The following GRM7 variants were observed in gnomAD, a reference collection of about 807,000 sequenced individuals.
The protein encoded by GRM7 is metabotropic glutamate receptor 7.
In GRM7, 35 loss-of-function variants were observed where a neutral mutation model predicts 84.5. That is an observed-to-expected ratio of 0.41 (90% CI 0.32 to 0.55). GRM7 has a LOEUF of 0.55. GRM7 is among the 20% of genes least tolerant of loss of function. The pLI, the probability that GRM7 is intolerant of heterozygous loss-of-function variation, is 0.19. For synonymous variants in GRM7, 487 were observed against 455.1 expected (o/e 1.07, Z -0.89); for missense variants, 1,003 against 1,194.6 (o/e 0.84, Z 2.36).
At chr3:7,688,145 T>C (rs1026054147) in intron 9 of GRM7, among the ~76,000 whole-genome samples, 3 of 152,178 alleles carry the variant, frequency 2.0e-5, no homozygotes, top group Non-Finnish European at 4.4e-5. Context: ...TAAAAATCCT[T>C]TTGCTCCTGT....
intron 1 of GRM7, among the ~76,000 whole-genome samples, chr3:7,109,191 T>A (rs2125031505): frequency 6.6e-6 from 1 of 152,154 alleles, no homozygotes; most frequent in South Asian, 2.1e-4. Flanking sequence ...TTTTGGTTGA[T>A]CATTATGTCT....
At chr3:6,932,635 T>C (rs1486508834) in intron 1 of GRM7, among the ~76,000 whole-genome samples, 1 of 152,156 alleles carries the variant, frequency 6.6e-6, no homozygotes, top group Non-Finnish European at 1.5e-5. Context: ...TGATAAATTA[T>C]TAGATATTAT....
At chr3:6,989,915 T>G (rs985752599) in intron 1 of GRM7, among the ~76,000 whole-genome samples, 6 of 152,222 alleles carry the variant, frequency 3.9e-5, no homozygotes, top group Admixed American at 3.9e-4. Context: ...TCCTGGATGT[T>G]GACAAAACAT....
intron 1 of GRM7, among the ~76,000 whole-genome samples, chr3:6,878,378 C>CGTGT (rs34132725): frequency 0.28 from 39,622 of 141,684 alleles, 5,691 homozygotes; most frequent in South Asian, 0.35. Context: ...TATGTGTTTG[C>CGTGT]GTGTGTGTGT....
At chr3:7,321,022 T>C (rs1156978299) in intron 4 of GRM7, among the ~76,000 whole-genome samples, 5 of 151,990 alleles carry the variant, frequency 3.3e-5, no homozygotes, top group East Asian at 1.9e-4. Context: ...TTTGACAAAG[T>C]ATCCTAGTGC....
intron 8 of GRM7, among the ~76,000 whole-genome samples, chr3:7,602,113 T>C (rs527950493): frequency 6.4e-4 from 96 of 149,394 alleles, no homozygotes; most frequent in African/African-American, 2.3e-3. Context: ...GCATTCTGTT[T>C]GTTAAACAAA....
At chr3:6,938,230 T>G (rs1697758139) in intron 1 of GRM7, among the ~76,000 whole-genome samples, 1 of 152,242 alleles carries the variant, frequency 6.6e-6, no homozygotes, top group Non-Finnish European at 1.5e-5. Flanking sequence ...ATTTCTCAAA[T>G]GTATTATAGT....
At chr3:6,897,417 C>G (rs1253987603) in intron 1 of GRM7, among the ~76,000 whole-genome samples, 1 of 152,156 alleles carries the variant, frequency 6.6e-6, no homozygotes, top group Non-Finnish European at 1.5e-5. Flanking sequence ...GTTTAAGAAC[C>G]ACCAGTTTAG....
chr3:7,581,049 C>A (rs997127840), intron 8 of GRM7, among the ~76,000 whole-genome samples: 1 of 152,014 alleles, frequency 6.6e-6, no homozygotes, highest in African/African-American at 2.4e-5. Flanking sequence ...AAACCTTTCC[C>A]GTAAGTTTAT....
At chr3:7,499,381 C>CT (rs1451600354) in intron 7 of GRM7, among the ~76,000 whole-genome samples, 1 of 152,142 alleles carries the variant, frequency 6.6e-6, no homozygotes, top group Non-Finnish European at 1.5e-5. Context: ...ATACTGCCTC[C>CT]TGATAGTCAA....
At chr3:7,139,525 A>G (rs1354581394) in intron 1 of GRM7, among the ~76,000 whole-genome samples, 1 of 151,988 alleles carries the variant, frequency 6.6e-6, no homozygotes, top group Non-Finnish European at 1.5e-5. Flanking sequence ...ATGTTTGGAA[A>G]TGTATTGCAC....
Position 7,663,481 on chromosome 3 carries a change from T to C in GRM7, c.2452-16568T>C, listed in dbSNP as rs1489834377. 2.6e-5 allele frequency among the ~76,000 whole-genome samples: 4 copies of C among 152,198 alleles called. No individual in the cohort carries two copies. In the East Asian group the frequency reaches 7.7e-4, roughly 29 times the overall value. On this transcript the variant is annotated intron_variant, in intron 8 of 9. Coordinates refer to ENST00000357716, the MANE Select transcript of GRM7 (RefSeq NM_000844.4). ...TCTGCACCAATAGATCCCTCGGTCC[T>C]CAAGGTGGAATGCCTCTGGAGGGTG...
rs1330994191 is a variant in GRM7, at chr3:7,121,595, C to G, written c.520-24857C>G. Among the ~76,000 whole-genome samples the G allele has an allele frequency of 1.3e-5, 2 of 152,236 alleles. 1 individual carries two copies. The highest frequency in any genetic ancestry group is 4.8e-5 in the African/African-American group (2 of 41,558). On this transcript the variant is annotated intron_variant, in intron 1 of 9. Coordinates refer to ENST00000357716, the MANE Select transcript of GRM7 (RefSeq NM_000844.4). The stretch of plus-strand genomic sequence containing the variant: ...TCCCCCTTTCCTCCTAATTTAGATT[C>G]TTTTCTATCTCCCTCTTGGTCTAAT...
intron 7 of GRM7, among the ~76,000 whole-genome samples, chr3:7,554,642 C>G (rs1411319707): frequency 6.6e-6 from 1 of 152,148 alleles, no homozygotes; most frequent in Non-Finnish European, 1.5e-5. Context: ...TGTGGGCAGA[C>G]AGTAGGGATT....
At chr3:6,939,089 C>T (rs997132048) in intron 1 of GRM7, among the ~76,000 whole-genome samples, 2 of 152,102 alleles carry the variant, frequency 1.3e-5, no homozygotes, top group African/African-American at 4.8e-5. Context: ...TACAGGATAG[C>T]AAAATCACAA....
chr3:7,385,289 A>ATT (rs574917994), intron 4 of GRM7, among the ~76,000 whole-genome samples: 4,781 of 67,182 alleles, frequency 0.071, 507 homozygotes, highest in East Asian at 0.13. Context: ...TTCTATATGG[A>ATT]TTTTTTTTTT....
intron 4 of GRM7, among the ~76,000 whole-genome samples, chr3:7,404,631 C>T (rs144075518): frequency 6.6e-6 from 1 of 152,122 alleles, no homozygotes; most frequent in East Asian, 1.9e-4. Flanking sequence ...AGCAGGAGCA[C>T]AATACCAAGA....
intron 1 of GRM7, among the ~76,000 whole-genome samples, chr3:7,020,196 G>C (rs527999868): frequency 6.6e-6 from 1 of 152,168 alleles, no homozygotes; most frequent in Non-Finnish European, 1.5e-5. Context: ...TACCCTATAG[G>C]ATAATATGTT....
At chr3:7,415,598 G>A (rs181236587) in intron 5 of GRM7, among the ~76,000 whole-genome samples, 207 of 152,248 alleles carry the variant, frequency 1.4e-3, no homozygotes, top group African/African-American at 4.5e-3. Context: ...TTTCATTAAT[G>A]TCTAAGTTAA....
Sources: allele counts gnomAD v4.1 joint callset (sites outside exome capture counted in the v4.1 genomes callset), GRCh38; gene constraint gnomAD v4.1.1; transcripts MANE v1.5; gene names NCBI Gene and HGNC (gene_info 2026-07-23, HGNC 2026-07-21).